Variants in AK5 observed in about 807,000 individuals in gnomAD.
The protein encoded by AK5 is adenylate kinase 5, also known as adenylate kinase isoenzyme 5.
A neutral mutation model predicts 69.5 loss-of-function variants in AK5; 27 were observed. That is an observed-to-expected ratio of 0.39 (90% confidence interval 0.29 to 0.54). The LOEUF is 0.54. Among genes scored for constraint, AK5 ranks in the 20% least tolerant of loss-of-function variants. AK5 has a pLI of 0.71. For missense variants in AK5, 531 were observed against 700.4 expected (o/e 0.76, Z 2.73); for synonymous variants, 260 against 244.4 (o/e 1.06, Z -0.60).
intron 5 of AK5, among the ~76,000 whole-genome samples, chr1:77,318,255 GA>G (rs1318786399): frequency 1.3e-5 from 2 of 152,048 alleles, no homozygotes; most frequent in East Asian, 3.9e-4. Context: ...GGAGCAGGAG[GA>G]AGAAAGAGAG....
chr1:77,316,776 A>G (rs1350741108), intron 5 of AK5, among the ~76,000 whole-genome samples: 1 of 152,210 alleles, frequency 6.6e-6, no homozygotes, highest in African/African-American at 2.4e-5. Flanking sequence ...TTAGTAGAAG[A>G]TGATTATTCA....
intron 5 of AK5, among the ~76,000 whole-genome samples, chr1:77,302,331 G>A (rs1616948): frequency 0.73 from 110,914 of 151,978 alleles, 40,647 homozygotes; most frequent in Middle Eastern, 0.84. Flanking sequence ...CTTCCAGTCC[G>A]TGCTAGTAAC....
rs1658824638 is a variant in AK5, at chr1:77,293,823, G to A, written c.278G>A (p.Arg93Gln). The A allele has an allele frequency of 4.4e-6, 7 of 1,605,634 alleles. No homozygotes were observed. In the East Asian group the frequency reaches 6.7e-5, roughly 15 times the overall value. ...CCTGAAAACTCAAACTTTCCATATC[G>A]GCGGTATGACCGGCTCCCTCCAATC... ...VMPENSNFPYRRYDRLPPIHQ... is the reference protein window; with the variant it reads ...VMPENSNFPYQRYDRLPPIHQ... Residue 93 changes from arginine (R) to glutamine (Q), a missense_variant, in exon 3 of 14, where the codon CGG becomes CAG. Transcript: ENST00000354567.
intron 9 of AK5, among the ~76,000 whole-genome samples, chr1:77,485,272 CCT>C (rs1227797174): frequency 6.6e-6 from 1 of 152,180 alleles, no homozygotes; most frequent in African/African-American, 2.4e-5. Flanking sequence ...TTACTTCTAT[CCT>C]CTGTTTCCAG....
intron 6 of AK5, among the ~76,000 whole-genome samples, chr1:77,394,201 C>T (rs565796496): frequency 5.5e-5 from 8 of 146,324 alleles, no homozygotes; most frequent in African/African-American, 2.0e-4. Context: ...GGTGACAGAG[C>T]GAGACTCCAT....
At position 77,501,336 on chromosome 1, in the gene AK5, C is replaced by A. The variant is rs536052346; in HGVS notation, c.1147+14984C>A. Among the ~76,000 whole-genome samples the A allele has an allele frequency of 2.0e-5, 3 of 152,222 alleles. No individual in the cohort carries two copies. In the South Asian group the frequency reaches 6.2e-4, roughly 32 times the overall value. ...AGGACAACTGCCCTCCACGAATTCT[C>A]CCATATACAGTCATGCATCACTTAA... is the stretch of plus-strand genomic sequence containing the variant. On this transcript the variant is annotated intron_variant, in intron 10 of 13. Coordinates refer to ENST00000354567, the MANE Select transcript of AK5 (RefSeq NM_174858.3).
At chr1:77,416,837 G>A (rs1650460896) in intron 7 of AK5, among the ~76,000 whole-genome samples, 1 of 152,078 alleles carries the variant, frequency 6.6e-6, no homozygotes, top group African/African-American at 2.4e-5. Context: ...TTTTTCACAG[G>A]ATATATAATA....
intron 8 of AK5, among the ~76,000 whole-genome samples, chr1:77,443,022 C>T (rs1652425587): frequency 6.6e-6 from 1 of 152,140 alleles, no homozygotes; most frequent in Non-Finnish European, 1.5e-5. Context: ...ACAACTGACT[C>T]CATTTTGATT....
intron 8 of AK5, among the ~76,000 whole-genome samples, chr1:77,451,970 CTA>C (rs2100658675): frequency 6.6e-6 from 1 of 152,272 alleles, no homozygotes; most frequent in Non-Finnish European, 1.5e-5. Context: ...AGGACAAGGA[CTA>C]TGTTTTATTT....
chr1:77,429,646 G>A (rs372532612), intron 8 of AK5, among the ~76,000 whole-genome samples: 17 of 151,802 alleles, frequency 1.1e-4, no homozygotes, highest in African/African-American at 2.9e-4. Context: ...AGATGTGGTT[G>A]GTGAGGTGAG....
chr1:77,416,177 A>G (rs1570532493), intron 7 of AK5, among the ~76,000 whole-genome samples: 1 of 152,220 alleles, frequency 6.6e-6, no homozygotes, highest in South Asian at 2.1e-4. Context: ...TGAAAAAAAT[A>G]CCAAAAGTAC....
At chr1:77,336,206 C>T (rs996648990) in intron 5 of AK5, among the ~76,000 whole-genome samples, 16 of 151,954 alleles carry the variant, frequency 1.1e-4, no homozygotes, top group South Asian at 2.1e-4. Context: ...CTCAGCCTCC[C>T]GAATAGCTGG....
At chr1:77,463,570 T>TAAAA (rs3077577) in intron 8 of AK5, among the ~76,000 whole-genome samples, 1,821 of 147,368 alleles carry the variant, frequency 0.012, 7 homozygotes, top group Non-Finnish European at 0.019. Context: ...TGTTTAGCTT[T>TAAAA]AAAAAAAAAA....
chr1:77,385,254 G>A (rs1273802684), intron 6 of AK5, among the ~76,000 whole-genome samples: 3 of 152,058 alleles, frequency 2.0e-5, no homozygotes, highest in African/African-American at 7.2e-5. Flanking sequence ...CCGCCTCCCG[G>A]GTTCACGCCA....
chr1:77,495,835 A>G (rs1464904810), intron 10 of AK5, among the ~76,000 whole-genome samples: 1 of 147,610 alleles, frequency 6.8e-6, no homozygotes, highest in East Asian at 2.1e-4. Context: ...AAGCAGATAT[A>G]TAGACTTAAA....
Position 77,366,013 on chromosome 1 carries a change from A to G in AK5, c.891+25445A>G, listed in dbSNP as rs145616076. On this transcript the variant is annotated intron_variant, in intron 6 of 13. Transcript: ENST00000354567. Reference sequence around the variant, plus strand: ...GAAATCACCACTAAAGAACTTATCCATGTGACCAAACACCACCTGTTCCCC... The same window carrying G: ...GAAATCACCACTAAAGAACTTATCCGTGTGACCAAACACCACCTGTTCCCC... Among the ~76,000 whole-genome samples, 1,006 of 152,324 alleles carry G rather than the reference A, an allele frequency of 6.6e-3. 13 individuals carry two copies. Among genetic ancestry groups the G allele is most frequent in the African/African-American group, 0.023 (968 of 41,572 alleles).
intron 10 of AK5, among the ~76,000 whole-genome samples, chr1:77,495,187 A>G (rs1186510330): frequency 1.3e-5 from 2 of 152,190 alleles, no homozygotes; most frequent in Non-Finnish European, 2.9e-5. Context: ...AAAAGGTTAA[A>G]TAACTTTCCC....
At chr1:77,306,778 A>T (rs1659667537) in intron 5 of AK5, among the ~76,000 whole-genome samples, 1 of 151,920 alleles carries the variant, frequency 6.6e-6, no homozygotes, top group African/African-American at 2.4e-5. Flanking sequence ...TGATCTTGTT[A>T]CTTGTTACTG....
intron 8 of AK5, among the ~76,000 whole-genome samples, chr1:77,421,241 TCAGA>T (rs1650792263): frequency 6.6e-6 from 1 of 152,142 alleles, no homozygotes; most frequent in Non-Finnish European, 1.5e-5. Flanking sequence ...CATTTTATCC[TCAGA>T]CAACTATATT....
Sources: gnomAD v4.1 joint callset for allele counts (sites outside exome capture counted in the v4.1 genomes callset) on GRCh38, gnomAD v4.1.1 for gene constraint, MANE v1.5 for transcripts, NCBI Gene and HGNC (gene_info 2026-07-23, HGNC 2026-07-21) for gene names.